POLR3D: variants seen among roughly 807,000 people sequenced by gnomAD.
POLR3D encodes the protein RNA polymerase III subunit D.
In POLR3D, 42 loss-of-function variants were observed where a neutral mutation model predicts 44.5. The ratio of observed to expected loss-of-function variants is 0.94; its 90% CI spans 0.74 to 1.22. POLR3D has a LOEUF of 1.22. Ranked by LOEUF, POLR3D falls within the 50% of genes most tolerant of loss-of-function variation. The probability of loss-of-function intolerance (pLI) is 0.00; values close to 1 mark genes in which losing one functional copy is unlikely to be tolerated. For synonymous variants in POLR3D, 217 were observed against 198.1 expected (o/e 1.10, Z -0.80); for missense variants, 507 against 505.2 (o/e 1.00, Z -0.03).
intron 5 of POLR3D, 86 bp from the exon 6 acceptor site, chr8:22,248,395 G>A: frequency 1.3e-6 from 2 of 1,573,566 alleles, no homozygotes; most frequent in Non-Finnish European, 1.7e-6. Context: ...GGGAGCAGCG[G>A]AATCTTTGGT....
rs1454301428 is a variant in POLR3D, at chr8:22,251,565, T to G, written c.*1047T>G. The stretch of plus-strand genomic sequence containing the variant: ...TTCATAAGAGAAGTTAGGGATGTAT[T>G]GAATAATGGCCTCTTTGACACTTGG... On this transcript the variant is annotated 3_prime_UTR_variant, in exon 9 of 9. Transcript: ENST00000306433. The G allele has an allele frequency of 1.3e-5, 2 of 153,698 alleles. No homozygotes were observed. The highest frequency in any genetic ancestry group is 4.8e-5 in the African/African-American group (2 of 41,446). 9.5% of individuals were successfully genotyped at this position (153,698 alleles called of 1,614,324 possible).
chr8:22,250,773 C>G lies in POLR3D; in HGVS notation c.*255C>G. 3 of 484,190 alleles carry G rather than the reference C, an allele frequency of 6.2e-6. No individual in the cohort carries two copies. The South Asian group carries it at 6.5e-5, about 10-fold the overall frequency. 30.0% of individuals were successfully genotyped at this position (484,190 alleles called of 1,614,324 possible). A position where few individuals can be genotyped will look rare whatever the true frequency, so the allele number is the denominator to read the frequency against. On this transcript the variant is annotated 3_prime_UTR_variant, in exon 9 of 9. Coordinates refer to ENST00000306433, the MANE Select transcript of POLR3D (RefSeq NM_001722.3). Reference sequence around the variant, plus strand: ...CTGCTATTTATTTTTGTATTTATGTCTTAATCTCTTCCACTGATGCATCCT... The same window carrying G: ...CTGCTATTTATTTTTGTATTTATGTGTTAATCTCTTCCACTGATGCATCCT...
At chr8:22,247,767 T>C in intron 3 of POLR3D, 90 bp from the exon 4 acceptor site, 1 of 1,212,100 alleles carries the variant, frequency 8.3e-7, no homozygotes, top group Non-Finnish European at 1.2e-6. Flanking sequence ...AACTCTCCAC[T>C]GTTTTGGAGT....
In POLR3D at chr8:22,250,636, T is replaced by C; in HGVS notation, c.*118T>C. 4.7e-6 allele frequency: 6 copies of C among 1,281,584 alleles called. No homozygotes were observed. Among genetic ancestry groups the C allele is most frequent in the Non-Finnish European group, 6.6e-6 (6 of 906,146 alleles). 79.4% of individuals were successfully genotyped at this position (1,281,584 alleles called of 1,614,324 possible). ...CACTGAGCCCACTCACTCCAGCCTT[T>C]GGCAACCATTGTTCCAGGTCCCCCA... On this transcript the variant is annotated 3_prime_UTR_variant, in exon 9 of 9. Transcript: ENST00000306433.
At chr8:22,247,070 T>G (rs1282616980) in intron 2 of POLR3D, 151 bp from the exon 3 acceptor site, 5 of 590,488 alleles carry the variant, frequency 8.5e-6, no homozygotes, top group Non-Finnish European at 1.5e-5. Flanking sequence ...CAGGCACATG[T>G]GTATCTATAA....
chr8:22,248,008 G>C lies in POLR3D; in HGVS notation c.361G>C (p.Gly121Arg). The change falls in exon 4 of 9, where the codon GGG becomes CGG. Residue 121 changes from glycine (G) to arginine (R), a missense_variant and splice_region_variant. Physicochemically the swap from Gly to Arg is moderately radical, Grantham distance 125. Transcript: ENST00000306433. ...QGPAEMMKKK[G>R]NWDKTVDVSD... ...CCCAGCTGAAATGATGAAGAAAAAA[G>C]GTATAAGGAAGGAATCAGTGAATTT... 6.2e-7 allele frequency: 1 copy of C among 1,613,054 alleles called. No homozygotes were observed. The highest frequency in any genetic ancestry group is 8.5e-7 in the Non-Finnish European group (1 of 1,179,288).
In POLR3D at chr8:22,251,271, C is replaced by T. The variant is rs73225892; in HGVS notation, c.*753C>T. Reference sequence around the variant, plus strand: ...TGCCCCTTCCTGCTTTATATCCCGTCCTCACCCTGGGCCTGATGCCCTAAA... The same window carrying T: ...TGCCCCTTCCTGCTTTATATCCCGTTCTCACCCTGGGCCTGATGCCCTAAA... On this transcript the variant is annotated 3_prime_UTR_variant, in exon 9 of 9. Transcript: ENST00000306433. 0.014 allele frequency: 2,144 copies of T among 153,714 alleles called. 33 individuals are homozygous for T. The highest frequency in any genetic ancestry group is 0.057 in the East Asian group (297 of 5,180). 9.5% of individuals were successfully genotyped at this position (153,714 alleles called of 1,614,324 possible).
At position 22,247,265 on chromosome 8, in the gene POLR3D, G is replaced by T; in HGVS notation, c.209+1G>T. 6.2e-7 allele frequency: 1 copy of T among 1,612,670 alleles called. No individual in the cohort carries two copies. The highest frequency in any genetic ancestry group is 8.5e-7 in the Non-Finnish European group (1 of 1,178,774). ...TCATCAGTCGGAAGATCAAGGAAGAGTAAGTAGCTAGGCCTTCTGAATACT... is the reference window on the plus strand; with the variant it reads ...TCATCAGTCGGAAGATCAAGGAAGATTAAGTAGCTAGGCCTTCTGAATACT... On this transcript the variant is annotated splice_donor_variant, in intron 3 of 8. Coordinates refer to ENST00000306433, the MANE Select transcript of POLR3D (RefSeq NM_001722.3). LOFTEE classifies it high-confidence loss of function.
chr8:22,247,992 A>G lies in POLR3D; in HGVS notation c.345A>G (p.Glu115=), dbSNP rs1486689173. Reference sequence around the variant, plus strand: ...CCATCTTTGAGCAGGGCCCAGCTGAAATGATGAAGAAAAAAGGTATAAGGA... The same window carrying G: ...CCATCTTTGAGCAGGGCCCAGCTGAGATGATGAAGAAAAAAGGTATAAGGA... The part of the protein sequence containing the change: ...SHSIFEQGPA[E]MMKKKGNWDK... The change falls in exon 4 of 9, where the codon GAA becomes GAG. Residue 115 remains glutamate, a synonymous_variant. Transcript: ENST00000306433. 4 of 1,613,818 alleles carry G rather than the reference A, an allele frequency of 2.5e-6. No homozygotes were observed. Among genetic ancestry groups the G allele is most frequent in the Non-Finnish European group, 1.7e-6 (2 of 1,179,802 alleles).
In POLR3D at chr8:22,250,820, C is replaced by G; in HGVS notation, c.*302C>G. 2.7e-6 allele frequency: 1 copy of G among 371,188 alleles called. No individual in the cohort carries two copies. Among genetic ancestry groups the G allele is most frequent in the Non-Finnish European group, 5.2e-6 (1 of 193,114 alleles). The allele number at this position is 371,188 out of a possible 1,614,324, so 23.0% of individuals were successfully genotyped here. ...TCCTCCAAGGGTAGATGGGGAGGGT[C>G]TGTGTGAAGGGGCCGGCTTCTCTTG... On this transcript the variant is annotated 3_prime_UTR_variant, in exon 9 of 9. Transcript: ENST00000306433.
In POLR3D at chr8:22,250,255, G is replaced by T. The variant is rs772032638; in HGVS notation, c.1074+28G>T. The T allele has an allele frequency of 6.2e-6, 10 of 1,613,456 alleles. No individual in the cohort carries two copies. In the South Asian group the frequency reaches 1.1e-4, roughly 18 times the overall value. On this transcript the variant is annotated intron_variant, in intron 8 of 8. Coordinates refer to ENST00000306433, the MANE Select transcript of POLR3D (RefSeq NM_001722.3). ...AAGAGCCTCCTTAGGGGCAAGGAGG[G>T]ACCCTTTCAGGAGTGAAGGAGGATT...
chr8:22,247,789 G>GGA, intron 3 of POLR3D, 68 bp from the exon 4 acceptor site: 2 of 1,491,482 alleles, frequency 1.3e-6, no homozygotes, highest in Non-Finnish European at 1.8e-6. Context: ...AAGTGGTATG[G>GGA]GAGAGTAAGG....
At chr8:22,247,477 T>C (rs1022402289) in intron 3 of POLR3D, among the ~76,000 whole-genome samples, 2 of 152,236 alleles carry the variant, frequency 1.3e-5, no homozygotes, top group African/African-American at 2.4e-5. Context: ...GGGTTCCATC[T>C]TTAGAAATTG....
Position 22,247,130 on chromosome 8 carries a change from C to T in POLR3D, c.166-91C>T, listed in dbSNP as rs931143550. The T allele has an allele frequency of 7.7e-6, 7 of 904,652 alleles. No individual in the cohort carries two copies. In the African/African-American group the frequency reaches 1.2e-4, roughly 15 times the overall value. The allele number at this position is 904,652 out of a possible 1,614,324, so 56.0% of individuals were successfully genotyped here. On this transcript the variant is annotated intron_variant, in intron 2 of 8. Coordinates refer to ENST00000306433, the MANE Select transcript of POLR3D (RefSeq NM_001722.3). The stretch of plus-strand genomic sequence containing the variant: ...CAACGAGAGCCGTGGTGGCCTTGGT[C>T]TGTAGAAGATGCCCTTTGGGAATTT...
chr8:22,248,288 A>T lies in POLR3D; in HGVS notation c.486+10A>T. The T allele has an allele frequency of 6.2e-7, 1 of 1,613,184 alleles. No individual in the cohort carries two copies. The highest frequency in any genetic ancestry group is 1.1e-5 in the South Asian group (1 of 90,840). On this transcript the variant is annotated intron_variant, in intron 5 of 8. Coordinates refer to ENST00000306433, the MANE Select transcript of POLR3D (RefSeq NM_001722.3). ...GCTGGAGAAGGACGATGTGGGTACC[A>T]GGAGGCTGGGGGAAGGGGTTTCCTT...
intron 7 of POLR3D, 75 bp from the exon 8 acceptor site, chr8:22,250,000 G>A: frequency 6.5e-7 from 1 of 1,535,796 alleles, no homozygotes. Context: ...TTTCTCTTGG[G>A]GAGTAGAAGG....
At chr8:22,246,322 T>G (rs141236473) in intron 2 of POLR3D, among the ~76,000 whole-genome samples, 7,234 of 151,220 alleles carry the variant, frequency 0.048, 269 homozygotes, top group Admixed American at 0.085. Context: ...GACACAGGGT[T>G]TTGCCATGTT....
Position 22,252,761 on chromosome 8 carries a change from G to A in POLR3D, c.*2243G>A, listed in dbSNP as rs141307991. On this transcript the variant is annotated 3_prime_UTR_variant, in exon 9 of 9. Transcript: ENST00000306433. ...TGTTGCTCCCTGCATCTGTGTATAT[G>A]CTTTCTGTTAAATACAGAAAGAAGG... The A allele has an allele frequency of 2.0e-5, 3 of 152,272 alleles. No individual in the cohort carries two copies. Among genetic ancestry groups the A allele is most frequent in the African/African-American group, 7.2e-5 (3 of 41,550 alleles). 9.4% of individuals were successfully genotyped at this position (152,272 alleles called of 1,614,324 possible).
chr8:22,245,498 C>G lies in POLR3D; in HGVS notation c.49C>G (p.Arg17Gly). 1 of 1,301,320 alleles carries G rather than the reference C, an allele frequency of 7.7e-7. No individual in the cohort carries two copies. Among genetic ancestry groups the G allele is most frequent in the Non-Finnish European group, 9.8e-7 (1 of 1,017,334 alleles). 80.6% of individuals were successfully genotyped at this position (1,301,320 alleles called of 1,614,324 possible). Residue 17 changes from arginine to glycine, a missense_variant, in exon 2 of 9, where the codon CGA (arginine) becomes GGA (glycine). Physicochemically the swap from Arg to Gly is moderately radical, Grantham distance 125 (BLOSUM62 -2). Transcript: ENST00000306433. The stretch of plus-strand genomic sequence containing the variant: ...CGAGCCCAGCACGCCGGGAGGGCCC[C>G]GACCTCTCCTGACTGGGGCCCGGGG... ...AGEPSTPGGPRPLLTGARGLI... is the reference protein window; with the variant it reads ...AGEPSTPGGPGPLLTGARGLI...
Sources: allele counts gnomAD v4.1 joint callset (sites outside exome capture counted in the v4.1 genomes callset), GRCh38; gene constraint gnomAD v4.1.1; transcripts MANE v1.5; gene names NCBI Gene and HGNC (gene_info 2026-07-23, HGNC 2026-07-21).